Variants in PRKCA observed in about 807,000 individuals in gnomAD.
PRKCA encodes protein kinase C alpha.
A neutral mutation model predicts 87.0 loss-of-function variants in PRKCA; 27 were observed. The observed-to-expected ratio is 0.31, with a 90% CI of 0.23 to 0.43. PRKCA has a LOEUF of 0.43. Ranked by LOEUF, PRKCA falls within the 20% of genes least tolerant of loss-of-function variation. The pLI, the probability that PRKCA is intolerant of heterozygous loss-of-function variation, is 1.00. For missense variants in PRKCA, 518 were observed against 852.3 expected (o/e 0.61, Z 4.88); for synonymous variants, 329 against 311.1 (o/e 1.06, Z -0.61).
At chr17:66,357,414 G>A (rs1238779355) in intron 2 of PRKCA, among the ~76,000 whole-genome samples, 1 of 152,158 alleles carries the variant, frequency 6.6e-6, no homozygotes, top group Non-Finnish European at 1.5e-5. Flanking sequence ...GACAGTACAG[G>A]CAGCAGAGGC....
chr17:66,728,665 G>A (rs1470142396), intron 8 of PRKCA, among the ~76,000 whole-genome samples: 2 of 152,230 alleles, frequency 1.3e-5, no homozygotes, highest in African/African-American at 2.4e-5. Context: ...CAAGGCCGTC[G>A]TTAGGTTATG....
At chr17:66,793,645 G>A (rs1291281242) in intron 16 of PRKCA, among the ~76,000 whole-genome samples, 10 of 148,680 alleles carry the variant, frequency 6.7e-5, no homozygotes, top group African/African-American at 2.5e-4. Context: ...TCTAGGTAAG[G>A]AGAAATTTTA....
At position 66,687,133 on chromosome 17, in the gene PRKCA, C is replaced by T. The variant is rs1972651594; in HGVS notation, c.552C>T (p.Ile184=). The change falls in exon 6 of 17, where the codon ATC becomes ATT. Residue 184 remains isoleucine, a synonymous_variant. Transcript: ENST00000413366. ...CAGTACGAGATGCAAAAAATCTAATCCCTATGGATCCAAACGGGCTTTCAG... is the reference window on the plus strand; with the variant it reads ...CAGTACGAGATGCAAAAAATCTAATTCCTATGGATCCAAACGGGCTTTCAG... ...HVTVRDAKNL[I]PMDPNGLSDP... The T allele has an allele frequency of 6.2e-7, 1 of 1,612,606 alleles. No homozygotes were observed. Among genetic ancestry groups the T allele is most frequent in the Non-Finnish European group, 8.5e-7 (1 of 1,178,834 alleles).
At chr17:66,620,621 T>C (rs1970649977) in intron 3 of PRKCA, among the ~76,000 whole-genome samples, 1 of 152,220 alleles carries the variant, frequency 6.6e-6, no homozygotes, top group Admixed American at 6.5e-5. Flanking sequence ...GTCAGAGGCC[T>C]AGCAGTGTCT....
At chr17:66,454,093 G>A (rs1230177013) in intron 2 of PRKCA, among the ~76,000 whole-genome samples, 11 of 152,224 alleles carry the variant, frequency 7.2e-5, no homozygotes, top group Admixed American at 7.2e-4. Flanking sequence ...GATTTTAGCA[G>A]AATTAATCTG....
intron 8 of PRKCA, among the ~76,000 whole-genome samples, chr17:66,715,564 G>A (rs1217666371): frequency 1.3e-5 from 2 of 152,204 alleles, no homozygotes; most frequent in East Asian, 3.8e-4. Flanking sequence ...GGGAGACACA[G>A]AAAGGCCTAC....
chr17:66,367,037 C>G (rs1479640556), intron 2 of PRKCA, among the ~76,000 whole-genome samples: 1 of 152,178 alleles, frequency 6.6e-6, no homozygotes, highest in East Asian at 1.9e-4. Context: ...CCTCTCCTTT[C>G]TGTTTTCAGA....
intron 8 of PRKCA, among the ~76,000 whole-genome samples, chr17:66,704,275 C>G (rs1042089676): frequency 9.2e-5 from 14 of 152,020 alleles, no homozygotes; most frequent in East Asian, 7.7e-4. Context: ...TCTTCTGTCC[C>G]ATAAATTAGT....
At position 66,705,031 on chromosome 17, in the gene PRKCA, C is replaced by T. The variant is rs539611765; in HGVS notation, c.918+15984C>T. On this transcript the variant is annotated intron_variant, in intron 8 of 16. Coordinates refer to ENST00000413366, the MANE Select transcript of PRKCA (RefSeq NM_002737.3). Reference sequence around the variant, plus strand: ...TTTGTTGATCTGATCAGCCCTGCCACGGTTACTATGGAAACCAGAGTACTT... The same window carrying T: ...TTTGTTGATCTGATCAGCCCTGCCATGGTTACTATGGAAACCAGAGTACTT... Among the ~76,000 whole-genome samples the T allele has an allele frequency of 2.0e-5, 3 of 152,282 alleles. No individual in the cohort carries two copies. In the South Asian group the frequency reaches 6.2e-4, roughly 32 times the overall value.
intron 8 of PRKCA, among the ~76,000 whole-genome samples, chr17:66,705,960 C>CG (rs1211617572): frequency 6.6e-6 from 1 of 152,088 alleles, no homozygotes; most frequent in African/African-American, 2.4e-5. Context: ...GTCCCTGGAG[C>CG]GGTAAATCGC....
intron 3 of PRKCA, among the ~76,000 whole-genome samples, chr17:66,580,699 C>T (rs1003602264): frequency 6.6e-6 from 1 of 152,276 alleles, no homozygotes; most frequent in African/African-American, 2.4e-5. Context: ...TTTTCGCCAA[C>T]TAAACACACT....
In PRKCA at chr17:66,313,733, T is replaced by C. The variant is rs118052563; in HGVS notation, c.205+7606T>C. Among the ~76,000 whole-genome samples, 373 of 152,326 alleles carry C rather than the reference T, an allele frequency of 2.4e-3. 2 individuals carry two copies. The highest frequency in any genetic ancestry group is 5.8e-3 in the South Asian group (28 of 4,824). On this transcript the variant is annotated intron_variant, in intron 2 of 16. Transcript: ENST00000413366. Reference sequence around the variant, plus strand: ...TAGCTCAACTTCACTGATTCTGTTATTTTTAAAATTTTTGTACCTGAAAGG... The same window carrying C: ...TAGCTCAACTTCACTGATTCTGTTACTTTTAAAATTTTTGTACCTGAAAGG...
intron 3 of PRKCA, among the ~76,000 whole-genome samples, chr17:66,541,661 C>T (rs1017836386): frequency 3.3e-5 from 5 of 152,180 alleles, no homozygotes; most frequent in Admixed American, 6.5e-5. Flanking sequence ...CATCTGACAC[C>T]GTTTGCCTGC....
At chr17:66,393,469 C>G (rs1910479517) in intron 2 of PRKCA, among the ~76,000 whole-genome samples, 1 of 152,126 alleles carries the variant, frequency 6.6e-6, no homozygotes, top group East Asian at 1.9e-4. Flanking sequence ...TACACATAAC[C>G]AAAACACTCC....
chr17:66,745,239 C>T (rs756178163), intron 13 of PRKCA, among the ~76,000 whole-genome samples: 62 of 152,324 alleles, frequency 4.1e-4, no homozygotes, highest in Non-Finnish European at 5.6e-4. Context: ...TTGGTAACTT[C>T]GGGCCTCTTC....
intron 2 of PRKCA, among the ~76,000 whole-genome samples, chr17:66,438,271 C>G (rs1403941718): frequency 1.3e-5 from 2 of 152,150 alleles, no homozygotes; most frequent in African/African-American, 4.8e-5. Flanking sequence ...TTCAGTTCCT[C>G]TATCAGCAAA....
rs35472661 is a variant in PRKCA at position 66,509,178 on chromosome 17, ATGTGTGTGTG to A, written c.288+12917_288+12926del. 7.6e-3 allele frequency among the ~76,000 whole-genome samples: 1,116 copies of A among 147,172 alleles called. 9 individuals carry two copies. Among genetic ancestry groups the A allele is most frequent in the African/African-American group, 0.027 (1,062 of 39,560 alleles). On this transcript the variant is annotated intron_variant, in intron 3 of 16. Coordinates refer to ENST00000413366, the MANE Select transcript of PRKCA (RefSeq NM_002737.3). The stretch of plus-strand genomic sequence containing the variant: ...AGAAAAGGAACGTGTGTGTGTGTGT[ATGTGTGTGTG>A]TGTGTGTGTGTGTGTGTGTGTAAAG...
At chr17:66,571,926 G>C (rs1421126678) in intron 3 of PRKCA, among the ~76,000 whole-genome samples, 1 of 152,170 alleles carries the variant, frequency 6.6e-6, no homozygotes, top group Non-Finnish European at 1.5e-5. Context: ...GGAACGTTCT[G>C]TGTGTGGTTG....
chr17:66,548,956 C>G (rs1434730151), intron 3 of PRKCA, among the ~76,000 whole-genome samples: 3 of 151,972 alleles, frequency 2.0e-5, no homozygotes, highest in Non-Finnish European at 4.4e-5. Flanking sequence ...CACAAGTGCA[C>G]TACCACACCC....
Sources: gnomAD v4.1 joint callset for allele counts (sites outside exome capture counted in the v4.1 genomes callset) on GRCh38, gnomAD v4.1.1 for gene constraint, MANE v1.5 for transcripts, NCBI Gene and HGNC (gene_info 2026-07-23, HGNC 2026-07-21) for gene names.